NRG3: variants seen among roughly 807,000 people sequenced by gnomAD.
NRG3 encodes the protein pro-neuregulin-3, membrane-bound isoform.
Under a neutral mutation model 66.9 loss-of-function variants are expected in NRG3, and 31 were observed. The ratio of observed to expected loss-of-function variants is 0.46; its 90% CI spans 0.35 to 0.63. The LOEUF is 0.63. Ranked by LOEUF, NRG3 falls within the 20% of genes least tolerant of loss-of-function variation. NRG3 has a pLI of 0.00. For missense variants in NRG3, 910 were observed against 878.9 expected (o/e 1.04, Z -0.45); for synonymous variants, 393 against 359.4 (o/e 1.09, Z -1.06).
intron 1 of NRG3, among the ~76,000 whole-genome samples, chr10:81,979,318 C>G (rs1175474846): frequency 2.0e-5 from 3 of 152,036 alleles, no homozygotes; most frequent in Non-Finnish European, 2.9e-5. Context: ...GTTATGGCTT[C>G]CACCCTAACA....
At chr10:82,296,107 A>C (rs2134681911) in intron 1 of NRG3, among the ~76,000 whole-genome samples, 1 of 152,272 alleles carries the variant, frequency 6.6e-6, no homozygotes, top group Middle Eastern at 3.4e-3. Context: ...GTAACTCGGT[A>C]AAAGGTTGGG....
chr10:82,020,843 A>G (rs774181768), intron 1 of NRG3, among the ~76,000 whole-genome samples: 2 of 152,102 alleles, frequency 1.3e-5, no homozygotes, highest in Non-Finnish European at 2.9e-5. Flanking sequence ...GCAGCAATTA[A>G]TAATTTTGTA....
chr10:82,778,631 A>G (rs550818817), intron 3 of NRG3, among the ~76,000 whole-genome samples: 4 of 152,268 alleles, frequency 2.6e-5, no homozygotes, highest in East Asian at 3.9e-4. Context: ...TTGGGTGGGG[A>G]CACAACCAAA....
At chr10:82,215,935 G>A (rs997746855) in intron 1 of NRG3, among the ~76,000 whole-genome samples, 7 of 136,330 alleles carry the variant, frequency 5.1e-5, no homozygotes, top group African/African-American at 1.1e-4. Flanking sequence ...GGAAAAATTC[G>A]TGGTTTGTTT....
At chr10:82,303,729 G>C (rs201171599) in intron 1 of NRG3, among the ~76,000 whole-genome samples, 2 of 151,884 alleles carry the variant, frequency 1.3e-5, no homozygotes, top group East Asian at 3.9e-4. Context: ...TTAGCCGGGC[G>C]TGGTGGCGAG....
chr10:82,122,375 T>G (rs2068146278), intron 1 of NRG3, among the ~76,000 whole-genome samples: 1 of 152,170 alleles, frequency 6.6e-6, no homozygotes, highest in Admixed American at 6.6e-5. Flanking sequence ...CTGCTTTTGC[T>G]TATGGCACAG....
intron 1 of NRG3, among the ~76,000 whole-genome samples, chr10:82,274,451 A>T (rs1477538389): frequency 1.3e-5 from 2 of 151,952 alleles, no homozygotes; most frequent in East Asian, 1.9e-4. Context: ...TCTTCTTAAA[A>T]TTTTCACAGT....
intron 1 of NRG3, chr10:81,877,727 G>A: frequency 7.4e-7 from 1 of 1,354,202 alleles, no homozygotes. Context: ...AAACCAGAAT[G>A]GCAGTAGAGC....
chr10:82,481,774 C>T (rs879482804), intron 2 of NRG3, among the ~76,000 whole-genome samples: 1 of 152,102 alleles, frequency 6.6e-6, no homozygotes, highest in Non-Finnish European at 1.5e-5. Flanking sequence ...CACTTGAGGT[C>T]AGGAGTTCAA....
intron 1 of NRG3, among the ~76,000 whole-genome samples, chr10:82,276,357 C>G (rs768186007): frequency 6.6e-5 from 10 of 151,950 alleles, no homozygotes; most frequent in Admixed American, 5.9e-4. Flanking sequence ...AAATGTACTT[C>G]TTATTCTCAA....
chr10:81,904,634 A>G (rs1589410406), intron 1 of NRG3, among the ~76,000 whole-genome samples: 1 of 152,250 alleles, frequency 6.6e-6, no homozygotes, highest in East Asian at 1.9e-4. Context: ...TTACCAGGTG[A>G]GGACTTCAGT....
intron 4 of NRG3, among the ~76,000 whole-genome samples, chr10:82,945,480 G>C (rs1383206620): frequency 6.6e-6 from 1 of 152,132 alleles, no homozygotes; most frequent in African/African-American, 2.4e-5. Flanking sequence ...AATTTATTTG[G>C]TTCATGTTTC....
intron 1 of NRG3, among the ~76,000 whole-genome samples, chr10:82,206,440 A>C (rs931029548): frequency 6.6e-6 from 1 of 152,186 alleles, no homozygotes; most frequent in Admixed American, 6.5e-5. Context: ...GGATGGCTAG[A>C]GGTGAACAGT....
At chr10:82,049,372 A>G (rs751664182) in intron 1 of NRG3, among the ~76,000 whole-genome samples, 16 of 151,978 alleles carry the variant, frequency 1.1e-4, no homozygotes, top group Non-Finnish European at 1.8e-4. Context: ...CTCCTCATAT[A>G]TTGCTTTGGA....
In NRG3 at chr10:82,680,621, G is replaced by A. The variant is rs2054043787; in HGVS notation, c.954-57956G>A. Among the ~76,000 whole-genome samples, 4 of 152,092 alleles carry A rather than the reference G, an allele frequency of 2.6e-5. No homozygotes were observed. In the South Asian group the frequency reaches 8.3e-4, roughly 32 times the overall value. The stretch of plus-strand genomic sequence containing the variant: ...TTCCAGGAAGGACCAAGATTTCCAG[G>A]AGTGTTCTGTGTTTATGAATCGCTG... On this transcript the variant is annotated intron_variant, in intron 2 of 8. Coordinates refer to ENST00000372141, the MANE Select transcript of NRG3 (RefSeq NM_001010848.4).
At chr10:82,879,820 T>C (rs964195692) in intron 4 of NRG3, among the ~76,000 whole-genome samples, 1 of 152,156 alleles carries the variant, frequency 6.6e-6, no homozygotes, top group African/African-American at 2.4e-5. Flanking sequence ...CACTTAGTAG[T>C]ACTGAGGGTT....
chr10:82,816,085 G>C (rs548728145), intron 3 of NRG3, among the ~76,000 whole-genome samples: 1 of 152,354 alleles, frequency 6.6e-6, no homozygotes, highest in East Asian at 1.9e-4. Context: ...CCCAAAAAGG[G>C]TGTCACAGCC....
intron 1 of NRG3, among the ~76,000 whole-genome samples, chr10:82,232,047 C>T (rs1246827856): frequency 6.6e-6 from 1 of 152,120 alleles, no homozygotes; most frequent in Admixed American, 6.5e-5. Context: ...TTTGAAGGCC[C>T]ATTTGCAAAT....
At chr10:82,850,539 G>T (rs989759419) in intron 3 of NRG3, among the ~76,000 whole-genome samples, 4 of 152,144 alleles carry the variant, frequency 2.6e-5, no homozygotes, top group African/African-American at 9.7e-5. Flanking sequence ...AATTCAAACT[G>T]AATTGACACC....
Sources: gnomAD v4.1 joint callset for allele counts (sites outside exome capture counted in the v4.1 genomes callset) on GRCh38, gnomAD v4.1.1 for gene constraint, MANE v1.5 for transcripts, NCBI Gene and HGNC (gene_info 2026-07-23, HGNC 2026-07-21) for gene names.